Variants in SERHL2 observed in about 807,000 individuals in gnomAD.
The protein encoded by SERHL2 is serine hydrolase-like protein 2.
SERHL2 carries 29 observed loss-of-function variants against 25.5 expected under a neutral mutation model. That is an observed-to-expected ratio of 1.14 (90% CI 0.85 to 1.55). The LOEUF (loss-of-function observed/expected upper bound fraction) is 1.55. Ranked by LOEUF, SERHL2 falls within the 40% of genes most tolerant of loss-of-function variation. The probability of loss-of-function intolerance (pLI) is 0.00; values close to 1 mark genes in which losing one functional copy is unlikely to be tolerated. For missense variants in SERHL2, 240 were observed against 252.3 expected (o/e 0.95, Z 0.33); for synonymous variants, 95 against 103.5 (o/e 0.92, Z 0.50).
chr22:42,559,226 AT>A (rs1295047311), intron 7 of SERHL2, among the ~76,000 whole-genome samples: 1 of 92,034 alleles, frequency 1.1e-5, no homozygotes, highest in Non-Finnish European at 2.0e-5. Flanking sequence ...GAGACCCTGT[AT>A]TTAAAAAAAA....
At chr22:42,573,440 T>A (rs1924540544) in intron 11 of SERHL2, 1 of 153,454 alleles carries the variant, frequency 6.5e-6, no homozygotes, top group African/African-American at 2.4e-5. Context: ...AGACGGGGTT[T>A]CACTGTCTTA....
chr22:42,572,326 G>A, intron 10 of SERHL2, 110 bp from the exon 11 acceptor site: 4 of 728,822 alleles, frequency 5.5e-6, no homozygotes, highest in Non-Finnish European at 7.0e-6. Flanking sequence ...AGTTGGGGTA[G>A]CCCAGGCTTT....
intron 9 of SERHL2, among the ~76,000 whole-genome samples, chr22:42,566,956 T>C (rs1006752010): frequency 2.0e-5 from 3 of 152,022 alleles, no homozygotes; most frequent in African/African-American, 7.2e-5. Flanking sequence ...AAAAAGAAAG[T>C]GCTTTCATTC....
intron 1 of SERHL2, 21 bp downstream of exon 1, chr22:42,554,063 G>A: frequency 6.2e-7 from 1 of 1,612,370 alleles, no homozygotes; most frequent in Non-Finnish European, 8.5e-7. Flanking sequence ...GAGGCCTTGT[G>A]CGAGCGTCCC....
intron 8 of SERHL2, among the ~76,000 whole-genome samples, chr22:42,565,888 C>G (rs562139335): frequency 6.6e-6 from 1 of 152,060 alleles, no homozygotes; most frequent in East Asian, 1.9e-4. Flanking sequence ...GAGTCTTGCT[C>G]TGTCGCCTAG....
chr22:42,570,097 A>G (rs12484552), intron 9 of SERHL2: 2 of 151,926 alleles, frequency 1.3e-5, no homozygotes, highest in African/African-American at 2.4e-5. Context: ...AAAGCCTCAC[A>G]GAACTTGACA....
intron 7 of SERHL2, among the ~76,000 whole-genome samples, chr22:42,559,471 G>A (rs2146677950): frequency 6.6e-6 from 1 of 151,760 alleles, no homozygotes; most frequent in South Asian, 2.1e-4. Flanking sequence ...GAAGGCGGAG[G>A]TGGGCAGATT....
chr22:42,570,628 CGGA>C (rs1199096885), intron 9 of SERHL2, among the ~76,000 whole-genome samples: 1 of 150,722 alleles, frequency 6.6e-6, no homozygotes, highest in Non-Finnish European at 1.5e-5. Context: ...GGCAGGGCCG[CGGA>C]GGAGGCCGGC....
At chr22:42,560,427 A>ATTAGAGGCT (rs1922546286) in intron 8 of SERHL2, among the ~76,000 whole-genome samples, 162 bp downstream of exon 8, 1 of 151,980 alleles carries the variant, frequency 6.6e-6, no homozygotes, top group African/African-American at 2.4e-5. Flanking sequence ...AGCAGGAGAA[A>ATTAGAGGCT]CCAAGGCTCA....
At chr22:42,567,391 G>A (rs1309390239) in intron 9 of SERHL2, among the ~76,000 whole-genome samples, 3 of 151,768 alleles carry the variant, frequency 2.0e-5, no homozygotes, top group Non-Finnish European at 2.9e-5. Flanking sequence ...TCGGCCGGGC[G>A]CGGTGGCTCA....
chr22:42,569,454 T>G (rs182911285), intron 9 of SERHL2: 1 of 151,948 alleles, frequency 6.6e-6, no homozygotes, highest in Admixed American at 6.5e-5. Context: ...GAGATGGGGT[T>G]TCACCACGTT....
intron 1 of SERHL2, among the ~76,000 whole-genome samples, chr22:42,554,256 G>T (rs558185459): frequency 1.3e-5 from 2 of 152,152 alleles, no homozygotes; most frequent in Non-Finnish European, 2.9e-5. Flanking sequence ...GGTTCCAGGA[G>T]CCCCTGAGTT....
chr22:42,556,410 C>G (rs1569273335), intron 5 of SERHL2, 104 bp from the exon 6 acceptor site: 1 of 1,162,260 alleles, frequency 8.6e-7, no homozygotes, highest in East Asian at 2.3e-5. Flanking sequence ...CACCCTCCCC[C>G]CAGCCTAAAA....
rs1795153311 is a variant in SERHL2, at chr22:42,553,980, G to C, written c.-41G>C. 6.2e-7 allele frequency: 1 copy of C among 1,612,576 alleles called. No homozygotes were observed. The highest frequency in any genetic ancestry group is 8.5e-7 in the Non-Finnish European group (1 of 1,179,082). ...CACTCTGCTCCTGCGACCTAGCCAG[G>C]CGTGAGGGAGTGACAGCAGCGCATT... On this transcript the variant is annotated 5_prime_UTR_variant, in exon 1 of 12. Coordinates refer to ENST00000327678, the MANE Select transcript of SERHL2 (RefSeq NM_014509.5).
intron 10 of SERHL2, 120 bp from the exon 11 acceptor site, chr22:42,572,316 A>G (rs1487043872): frequency 1.5e-6 from 1 of 666,292 alleles, no homozygotes. Flanking sequence ...CAGCTGTGGG[A>G]GTTGGGGTAG....
chr22:42,571,513 T>C (rs35143709), intron 10 of SERHL2: 98,402 of 1,032,344 alleles, frequency 0.095, 138 homozygotes, highest in Admixed American at 0.12. Context: ...GCAACCTCTG[T>C]CTCCTGGATT....
chr22:42,566,394 C>A (rs1468537416), intron 9 of SERHL2, 56 bp downstream of exon 9: 15 of 1,583,920 alleles, frequency 9.5e-6, no homozygotes, highest in Non-Finnish European at 1.3e-5. Flanking sequence ...GCGTCTTTGT[C>A]GTTTTTGAAA....
At chr22:42,573,690 A>G in intron 11 of SERHL2, 1 of 545,092 alleles carries the variant, frequency 1.8e-6, no homozygotes, top group Admixed American at 3.1e-5. Flanking sequence ...TGTCCCTGCC[A>G]TGCAACTTCA....
At chr22:42,566,937 C>G (rs1486046481) in intron 9 of SERHL2, among the ~76,000 whole-genome samples, 2 of 152,154 alleles carry the variant, frequency 1.3e-5, no homozygotes, top group African/African-American at 4.8e-5. Context: ...CCTTGGTTGT[C>G]TCACGTGCAA....
Sources: gnomAD v4.1 joint callset for allele counts (sites outside exome capture counted in the v4.1 genomes callset) on GRCh38, gnomAD v4.1.1 for gene constraint, MANE v1.5 for transcripts, NCBI Gene and HGNC (gene_info 2026-07-23, HGNC 2026-07-21) for gene names.